The following GARNL3 variants were observed in gnomAD, a reference collection of about 807,000 sequenced individuals.
GARNL3 encodes the protein GTPase-activating Rap/Ran-GAP domain-like protein 3.
In GARNL3, 63 loss-of-function variants were observed where a neutral mutation model predicts 125.0. The observed-to-expected ratio is 0.50, with a 90% CI of 0.41 to 0.62. The LOEUF (loss-of-function observed/expected upper bound fraction) is 0.62, where lower values mean the gene tolerates loss of function less well. Ranked by LOEUF, GARNL3 falls within the 20% of genes least tolerant of loss-of-function variation. GARNL3 has a pLI of 0.00. For synonymous variants in GARNL3, 439 were observed against 457.5 expected, an observed-to-expected ratio of 0.96 and a Z score of 0.52; for missense variants, 994 against 1,244.0, an observed-to-expected ratio of 0.80 and a Z score of 3.02.
chr9:127,304,320 G>A (rs2064885548), intron 2 of GARNL3, among the ~76,000 whole-genome samples: 1 of 152,144 alleles, frequency 6.6e-6, no homozygotes, highest in Non-Finnish European at 1.5e-5. Flanking sequence ...AAAGCTAAAA[G>A]TTTGGTCAGA....
chr9:127,263,840 C>T (rs1398237697), upstream of GARNL3: 2 of 1,313,612 alleles, frequency 1.5e-6, no homozygotes, highest in African/African-American at 1.5e-5. Flanking sequence ...ACTCTCTAAT[C>T]TCATTTCTCT....
chr9:127,289,119 G>A (rs1405501877), intron 1 of GARNL3, among the ~76,000 whole-genome samples: 3 of 152,188 alleles, frequency 2.0e-5, no homozygotes, highest in African/African-American at 7.2e-5. Context: ...TGTTGATGCT[G>A]AATCCTCTAT....
chr9:127,381,886 T>TGTAATCACAAAG (rs1181313135), intron 22 of GARNL3, among the ~76,000 whole-genome samples: 1 of 152,130 alleles, frequency 6.6e-6, no homozygotes, highest in Non-Finnish European at 1.5e-5. Context: ...ATTACAAGCG[T>TGTAATCACAAAG]GAGCCACTGC....
intron 4 of GARNL3, 26 bp from the exon 5 acceptor site, chr9:127,318,031 TTGTCAC>T (rs760841209): frequency 1.5e-6 from 2 of 1,360,628 alleles, no homozygotes; most frequent in Non-Finnish European, 2.1e-6. Flanking sequence ...GTTGTAGAAC[TTGTCAC>T]TGATTTGATG....
chr9:127,311,906 T>G (rs932664143), intron 3 of GARNL3, among the ~76,000 whole-genome samples, 171 bp downstream of exon 3: 3 of 152,098 alleles, frequency 2.0e-5, no homozygotes, highest in African/African-American at 7.2e-5. Context: ...AGATTCAGAG[T>G]CTCAGCCCTA....
intron 1 of GARNL3, among the ~76,000 whole-genome samples, chr9:127,276,269 G>GT (rs2131312454): frequency 6.6e-6 from 1 of 152,062 alleles, no homozygotes; most frequent in East Asian, 1.9e-4. Context: ...GGGATTACAG[G>GT]TCAGTCTTCA....
intron 11 of GARNL3, 23 bp from the exon 12 acceptor site, chr9:127,338,093 A>G: frequency 6.3e-7 from 1 of 1,577,924 alleles, no homozygotes; most frequent in Non-Finnish European, 8.7e-7. Context: ...TGTTGTGATT[A>G]GTTCCCTTAA....
chr9:127,234,951 G>A (rs1389244365), intron 1 of GARNL3, among the ~76,000 whole-genome samples: 2 of 152,124 alleles, frequency 1.3e-5, no homozygotes, highest in Non-Finnish European at 2.9e-5. Flanking sequence ...GAATTTTGGA[G>A]AGACACAGAC....
intron 5 of GARNL3, among the ~76,000 whole-genome samples, chr9:127,320,470 C>G (rs112554935): frequency 2.7e-3 from 410 of 152,294 alleles, no homozygotes; most frequent in African/African-American, 9.3e-3. Flanking sequence ...AGAAGAATAG[C>G]CAAGGTTACC....
intron 7 of GARNL3, among the ~76,000 whole-genome samples, chr9:127,326,491 A>G (rs1254964019): frequency 6.6e-6 from 1 of 152,174 alleles, no homozygotes; most frequent in Non-Finnish European, 1.5e-5. Flanking sequence ...GCTTGAGAGG[A>G]TGGATACCCC....
intron 21 of GARNL3, among the ~76,000 whole-genome samples, chr9:127,361,538 C>A (rs564216923): frequency 1.1e-4 from 16 of 152,194 alleles, no homozygotes; most frequent in Non-Finnish European, 2.2e-4. Flanking sequence ...AGACAGACAC[C>A]TATATCAAAG....
chr9:127,291,726 CTTTTT>C (rs142800268), intron 2 of GARNL3, among the ~76,000 whole-genome samples: 12 of 59,304 alleles, frequency 2.0e-4, no homozygotes, highest in African/African-American at 8.4e-4. Flanking sequence ...ACTCACCTTG[CTTTTT>C]TTTTTTTTTT....
intron 27 of GARNL3, among the ~76,000 whole-genome samples, chr9:127,391,517 A>C: frequency 1.0e-5 from 1 of 99,314 alleles, no homozygotes; most frequent in East Asian, 2.5e-4. Flanking sequence ...AGCAAGACCC[A>C]TCTCTACAAA....
At position 127,242,717 on chromosome 9, in the gene GARNL3, C is replaced by T. The variant is rs946782819; in HGVS notation, c.-28-362C>T. 6.6e-5 allele frequency among the ~76,000 whole-genome samples: 10 copies of T among 152,160 alleles called. No individual in the cohort carries two copies. The highest frequency in any genetic ancestry group is 1.5e-4 in the Non-Finnish European group (10 of 68,018). ...CAGTAATGGCCATGAAGTCCTACCA[C>T]CGGTGATTCTCCAGAAGCATTCTAG... On this transcript the variant is annotated intron_variant, in intron 1 of 10. Coordinates refer to the GARNL3 transcript ENST00000439286. The surrounding 1 kb of genome is among the most constrained non-coding windows in gnomAD (Gnocchi z 4.6).
At position 127,393,335 on chromosome 9, in the gene GARNL3, C is replaced by A; in HGVS notation, c.*81C>A. ...AAACAGTTCTGATGTAATTTCTCAA[C>A]AAAATGTGGCTTTTAGCCTGTCAGT... On this transcript the variant is annotated 3_prime_UTR_variant, in exon 28 of 28. Coordinates refer to ENST00000373387, the MANE Select transcript of GARNL3 (RefSeq NM_032293.5). The A allele has an allele frequency of 2.2e-6, 3 of 1,354,128 alleles. No individual in the cohort carries two copies. Among genetic ancestry groups the A allele is most frequent in the Non-Finnish European group, 3.1e-6 (3 of 979,270 alleles). The allele number at this position is 1,354,128 out of a possible 1,614,324, so 83.9% of individuals were successfully genotyped here.
intron 22 of GARNL3, among the ~76,000 whole-genome samples, chr9:127,381,027 C>T (rs983825546): frequency 4.6e-5 from 7 of 152,260 alleles, no homozygotes; most frequent in South Asian, 4.1e-4. Context: ...TACAGGCATG[C>T]GCCACCACGC....
chr9:127,380,200 ATGTGTG>A lies in GARNL3; in HGVS notation c.2162-3204_2162-3199del, dbSNP rs55906930. Among the ~76,000 whole-genome samples the A allele has an allele frequency of 2.7e-3, 383 of 141,744 alleles. 1 individual carries two copies. The highest frequency in any genetic ancestry group is 9.2e-3 in the African/African-American group (349 of 38,058). 93.0% of individuals were successfully genotyped at this position (141,744 alleles called of 152,430 possible). ...AGAGCAAGACTCTGTCTCAAAAAAT[ATGTGTG>A]TGTGTGTGTGTGTGTGTGTGTGTGT... On this transcript the variant is annotated intron_variant, in intron 22 of 27. Transcript: ENST00000373387.
intron 2 of GARNL3, among the ~76,000 whole-genome samples, chr9:127,309,736 G>A (rs2065045950): frequency 6.9e-6 from 1 of 145,678 alleles, no homozygotes; most frequent in South Asian, 2.5e-4. Context: ...CTCAACAGTT[G>A]CCCCCCAAAA....
At chr9:127,374,000 C>T (rs1320375478) in intron 22 of GARNL3, among the ~76,000 whole-genome samples, 4 of 151,416 alleles carry the variant, frequency 2.6e-5, no homozygotes, top group Non-Finnish European at 4.4e-5. Context: ...AGTGAGACTC[C>T]GTCTCAAAAA....
Sources: gnomAD v4.1 joint callset for allele counts (sites outside exome capture counted in the v4.1 genomes callset) on GRCh38, gnomAD v4.1.1 for gene constraint, Gnocchi (gnomAD v3.1) non-coding constraint, MANE v1.5 for transcripts, NCBI Gene and HGNC (gene_info 2026-07-23, HGNC 2026-07-21) for gene names.